KRT73: variants seen among roughly 807,000 people sequenced by gnomAD.
KRT73 encodes keratin 73, also known as keratin, type II cytoskeletal 73.
Under a neutral mutation model 47.2 loss-of-function variants are expected in KRT73, and 44 were observed. That is an observed-to-expected ratio of 0.93 (90% confidence interval 0.73 to 1.20). The LOEUF (loss-of-function observed/expected upper bound fraction) is 1.20. Among genes scored for constraint, KRT73 ranks in the 50% most tolerant of loss-of-function variants. The pLI is 0.00. For synonymous variants in KRT73, 285 were observed against 291.3 expected, an observed-to-expected ratio of 0.98 and a Z score of 0.22; for missense variants, 713 against 704.5, an observed-to-expected ratio of 1.01 and a Z score of -0.14.
chr12:52,610,551 C>T, intron 7 of KRT73, 64 bp downstream of exon 7: 1 of 1,110,054 alleles, frequency 9.0e-7, no homozygotes, highest in Non-Finnish European at 1.3e-6. Flanking sequence ...CCGCCCCCAA[C>T]CACACTCTGG....
Position 52,610,735 on chromosome 12 carries a change from T to G in KRT73, c.1211A>C (p.Gln404Pro), listed in dbSNP as rs1258075415. ...AKLDELEGAL[Q>P]QAKEELARML... ...CCGTGCCAGCTCCTCCTTGGCCTGC[T>G]GCAGGGCGCCCTCCAGCTCATCCAG... The change falls in exon 7 of 9, where the codon CAG (glutamine) becomes CCG (proline). Residue 404 changes from glutamine to proline, a missense_variant. Gln to Pro is a moderately conservative substitution (Grantham distance 76, BLOSUM62 -1). Coordinates refer to ENST00000305748, the MANE Select transcript of KRT73 (RefSeq NM_175068.3). 2 of 1,613,874 alleles carry G rather than the reference T, an allele frequency of 1.2e-6. No homozygotes were observed. The highest frequency in any genetic ancestry group is 2.7e-5 in the African/African-American group (2 of 74,888).
At chr12:52,624,067 A>G in the KRT73 span, among the ~76,000 whole-genome samples, 4 of 152,036 alleles carry the variant, frequency 2.6e-5, no homozygotes, top group South Asian at 4.2e-4. Context: ...ACTATATGCT[A>G]TCTCCAAAAA....
chr12:52,612,579 TCTC>T (rs1451988352), intron 5 of KRT73: 2 of 152,224 alleles, frequency 1.3e-5, no homozygotes, highest in African/African-American at 4.8e-5. Context: ...CAAGGGGCCT[TCTC>T]CTGCTTCTCC....
intron 3 of KRT73, 61 bp downstream of exon 3, chr12:52,615,218 C>T (rs1940791729): frequency 1.4e-6 from 2 of 1,436,434 alleles, no homozygotes; most frequent in African/African-American, 2.8e-5. Context: ...TCAGCTGCTC[C>T]TCTCTCTTAG....
At chr12:52,608,585 C>T in intron 8 of KRT73, 133 bp from the exon 9 acceptor site, 3 of 802,272 alleles carry the variant, frequency 3.7e-6, no homozygotes, top group Non-Finnish European at 5.6e-6. Context: ...CAACCATGAA[C>T]TTGGGTTCAT....
At chr12:52,609,303 G>A in intron 7 of KRT73, 22 bp from the exon 8 acceptor site, 1 of 1,611,544 alleles carries the variant, frequency 6.2e-7, no homozygotes, top group South Asian at 1.1e-5. Context: ...AAAAGCACAG[G>A]AGAGTCTGAA....
chr12:52,628,702 G>A, the KRT73 span, among the ~76,000 whole-genome samples: 1 of 152,204 alleles, frequency 6.6e-6, no homozygotes, highest in Non-Finnish European at 1.5e-5. Flanking sequence ...CGAGCCTGCA[G>A]GGAGAGACAA....
chr12:52,610,680 G>C lies in KRT73; in HGVS notation c.1266C>G (p.Ser422Arg). 1 of 1,613,824 alleles carries C rather than the reference G, an allele frequency of 6.2e-7. No individual in the cohort carries two copies. Reference sequence around the variant, plus strand: ...TCTCAATATCCAGGGACAGCTTCACGCTCAAAAGCTCTTGGTACTCGCGCA... The same window carrying C: ...TCTCAATATCCAGGGACAGCTTCACCCTCAAAAGCTCTTGGTACTCGCGCA... ...RMLREYQELL[S>R]VKLSLDIEIA... is the part of the protein sequence containing the mutation. The change falls in exon 7 of 9, where the codon AGC becomes AGG. Residue 422 changes from serine to arginine, a missense_variant. Ser to Arg is a moderately radical substitution (Grantham distance 110). Transcript: ENST00000305748.
At chr12:52,628,250 T>C in the KRT73 span, among the ~76,000 whole-genome samples, 4 of 152,112 alleles carry the variant, frequency 2.6e-5, no homozygotes, top group Non-Finnish European at 5.9e-5. Context: ...TATGTTTTTA[T>C]ACTCATTCCG....
In KRT73 at chr12:52,614,048, C is replaced by T; in HGVS notation, c.820-196G>A. 4.2e-6 allele frequency: 3 copies of T among 716,548 alleles called. No homozygotes were observed. The South Asian group carries it at 7.1e-5, about 17-fold the overall frequency. The allele number at this position is 716,548 out of a possible 1,614,324, so 44.4% of individuals were successfully genotyped here. A position where few individuals can be genotyped will look rare whatever the true frequency, so the allele number is the denominator to read the frequency against. Reference sequence around the variant, plus strand: ...TGAAAACTGCTGAATGGGTTTGAAGCAGCCCAGGAAGAAAACAGCCCATAT... The same window carrying T: ...TGAAAACTGCTGAATGGGTTTGAAGTAGCCCAGGAAGAAAACAGCCCATAT... On this transcript the variant is annotated intron_variant, in intron 4 of 8. Transcript: ENST00000305748.
At chr12:52,614,706 CTT>C in intron 3 of KRT73, 32 bp from the exon 4 acceptor site, 5 of 1,584,034 alleles carry the variant, frequency 3.2e-6, no homozygotes, top group Non-Finnish European at 4.3e-6. Context: ...CTGACCTCAC[CTT>C]TCTTCAAGCC....
intron 7 of KRT73, chr12:52,609,832 T>C (rs1257970003): frequency 6.5e-6 from 1 of 153,154 alleles, no homozygotes; most frequent in Non-Finnish European, 1.5e-5. Context: ...AAAGTGCATT[T>C]CTTTTAAAAA....
chr12:52,618,127 C>T lies in KRT73; in HGVS notation c.398G>A (p.Arg133Gln), dbSNP rs566335555. ...PEIQKVRAQE[R>Q]EQIKVLNNKF... ...GTTGTTCAGCACCTTGATCTGCTCC[C>T]GCTCCTGGGCACGCACTTTCTGGAT... Residue 133 changes from arginine (R) to glutamine (Q), a missense_variant, in exon 1 of 9, where the codon CGG (arginine) becomes CAG (glutamine). By Grantham distance (43) the Arg-to-Gln change is conservative. Transcript: ENST00000305748. 45 of 1,613,890 alleles carry T rather than the reference C, an allele frequency of 2.8e-5. No individual in the cohort carries two copies. The South Asian group carries it at 2.9e-4, about 10-fold the overall frequency.
At chr12:52,623,578 A>G in the KRT73 span, among the ~76,000 whole-genome samples, 1 of 152,214 alleles carries the variant, frequency 6.6e-6, no homozygotes, top group African/African-American at 2.4e-5. Context: ...TTAATACAAT[A>G]GACTTTCCTT....
At chr12:52,610,531 C>CTCA in intron 7 of KRT73, 84 bp downstream of exon 7, 1 of 179,022 alleles carries the variant, frequency 5.6e-6, no homozygotes, top group South Asian at 7.5e-5. Flanking sequence ...AGCTCGCCGC[C>CTCA]CCCTCCCCCC....
the KRT73 span, among the ~76,000 whole-genome samples, chr12:52,623,720 A>G: frequency 6.6e-6 from 1 of 152,092 alleles, no homozygotes; most frequent in African/African-American, 2.4e-5. Flanking sequence ...AAAGGAATAT[A>G]AAGAGGTAAG....
chr12:52,610,510 A>G, intron 7 of KRT73, 105 bp downstream of exon 7: 1 of 1,017,958 alleles, frequency 9.8e-7, no homozygotes, highest in South Asian at 1.4e-5. Context: ...GGGTGAAGTA[A>G]ACACATCGCC....
At chr12:52,626,480 A>C in the KRT73 span, among the ~76,000 whole-genome samples, 1 of 152,196 alleles carries the variant, frequency 6.6e-6, no homozygotes, top group Non-Finnish European at 1.5e-5. Flanking sequence ...TCAGAGCCTG[A>C]ACCCACTCTC....
Position 52,608,183 on chromosome 12 carries a change from CTG to C in KRT73, c.*11_*12del. Reference sequence around the variant, plus strand: ...GCAAGGCAGACTACTGGGAAATGGGCTGTGTTGCACTTTTATCTCATGGTTTT... The same window carrying C: ...GCAAGGCAGACTACTGGGAAATGGGCTGTTGCACTTTTATCTCATGGTTTT... On this transcript the variant is annotated 3_prime_UTR_variant, in exon 9 of 9. Coordinates refer to ENST00000305748, the MANE Select transcript of KRT73 (RefSeq NM_175068.3). 6.2e-7 allele frequency: 1 copy of C among 1,601,814 alleles called. No individual in the cohort carries two copies. The highest frequency in any genetic ancestry group is 8.5e-7 in the Non-Finnish European group (1 of 1,173,140).
Sources: gnomAD v4.1 joint callset for allele counts (sites outside exome capture counted in the v4.1 genomes callset) on GRCh38, gnomAD v4.1.1 for gene constraint, MANE v1.5 for transcripts, NCBI Gene and HGNC (gene_info 2026-07-23, HGNC 2026-07-21) for gene names.